The following IKZF1 variants were observed in gnomAD, a reference collection of about 807,000 sequenced individuals.
IKZF1 encodes the protein DNA-binding protein Ikaros.
IKZF1 carries 10 observed loss-of-function variants against 51.7 expected under a neutral mutation model. The ratio of observed to expected loss-of-function variants is 0.19; its 90% CI spans 0.12 to 0.33. The LOEUF is 0.33. Among genes scored for constraint, IKZF1 ranks in the 10% least tolerant of loss-of-function variants. IKZF1 has a pLI of 1.00. For synonymous variants in IKZF1, 280 were observed against 282.3 expected, an observed-to-expected ratio of 0.99 and a Z score of 0.08; for missense variants, 484 against 707.5, an observed-to-expected ratio of 0.68 and a Z score of 3.58.
intron 5 of IKZF1, among the ~76,000 whole-genome samples, chr7:50,384,350 C>T (rs76880433): frequency 0.036 from 5,519 of 152,290 alleles, 413 homozygotes; most frequent in East Asian, 0.19. Context: ...TCCTTCCTGG[C>T]GGTGCACATG....
chr7:50,394,167 G>T, intron 7 of IKZF1: 1 of 232,858 alleles, frequency 4.3e-6, no homozygotes, highest in East Asian at 6.1e-5. Context: ...CAGTGGACGA[G>T]GGTAGCAGAA....
At chr7:50,325,497 G>A (rs528065014) in intron 2 of IKZF1, among the ~76,000 whole-genome samples, 6 of 152,230 alleles carry the variant, frequency 3.9e-5, no homozygotes, top group East Asian at 1.9e-4. Flanking sequence ...TTTATAGGCC[G>A]GGCGCAGTGG....
In IKZF1 at chr7:50,400,915, T is replaced by C. The variant is rs2153520309; in HGVS notation, c.*288T>C. The C allele has an allele frequency of 2.1e-6, 1 of 484,798 alleles. No individual in the cohort carries two copies. The highest frequency in any genetic ancestry group is 3.7e-5 in the East Asian group (1 of 26,710). The allele number at this position is 484,798 out of a possible 1,614,324, so 30.0% of individuals were successfully genotyped here. ...TGAGATTCCCTCACCTGTCGCTTCC[T>C]AGAATCCCCTTCTCCAAACGATTAG... On this transcript the variant is annotated 3_prime_UTR_variant, in exon 8 of 8. Transcript: ENST00000331340. The surrounding 1 kb of genome is among the most constrained non-coding windows in gnomAD (Gnocchi z 5.4).
intron 3 of IKZF1, chr7:50,368,213 G>A (rs1224333626): frequency 1.4e-6 from 1 of 703,042 alleles, no homozygotes; most frequent in Admixed American, 2.0e-5. Context: ...ATCATTTTTG[G>A]GTATTTATAC....
Position 50,387,241 on chromosome 7 carries a change from A to AT in IKZF1, c.590-94dup, listed in dbSNP as rs148213614. 143,121 of 1,322,722 alleles carry AT rather than the reference A, an allele frequency of 0.11. 5,044 individuals carry two copies. The highest frequency in any genetic ancestry group is 0.15 in the Middle Eastern group (707 of 4,822). The allele number at this position is 1,322,722 out of a possible 1,614,324, so 81.9% of individuals were successfully genotyped here. Reference sequence around the variant, plus strand: ...AACAGTTTTAGCTCTCAAGGGTAGAATTTTTTTTTTAACTTTTTTGGTAAT... The same window carrying AT: ...AACAGTTTTAGCTCTCAAGGGTAGAATTTTTTTTTTTAACTTTTTTGGTAAT... On this transcript the variant is annotated intron_variant, in intron 5 of 7. Coordinates refer to ENST00000331340, the MANE Select transcript of IKZF1 (RefSeq NM_006060.6).
At chr7:50,340,831 G>A (rs1212318972) in intron 3 of IKZF1, among the ~76,000 whole-genome samples, 2 of 152,202 alleles carry the variant, frequency 1.3e-5, no homozygotes, top group Admixed American at 6.5e-5. Context: ...TTATTGTTCT[G>A]TAGAGAATGC....
At chr7:50,382,507 T>C (rs1180669518) in intron 4 of IKZF1, 33 bp from the exon 5 acceptor site, 1 of 1,597,496 alleles carries the variant, frequency 6.3e-7, no homozygotes, top group South Asian at 1.1e-5. Context: ...ACGCTGAGTT[T>C]AGTTCTCACC....
intron 3 of IKZF1, among the ~76,000 whole-genome samples, chr7:50,372,107 C>G (rs1808858612): frequency 6.6e-6 from 1 of 152,218 alleles, no homozygotes; most frequent in South Asian, 2.1e-4. Context: ...GCCCTGATTT[C>G]TGTCATCTAT....
intron 5 of IKZF1, among the ~76,000 whole-genome samples, chr7:50,385,472 G>A (rs79698161): frequency 0.062 from 9,420 of 152,274 alleles, 481 homozygotes; most frequent in South Asian, 0.093. Context: ...CAGCAAGAGG[G>A]TGCTGGGGGA....
At chr7:50,369,394 T>C in intron 3 of IKZF1, 1 of 396,822 alleles carries the variant, frequency 2.5e-6, no homozygotes, top group Non-Finnish European at 4.4e-6. Flanking sequence ...TGTGAAGATG[T>C]GTTAATGTTA....
intron 3 of IKZF1, among the ~76,000 whole-genome samples, chr7:50,331,155 T>C (rs1472088756): frequency 2.6e-5 from 4 of 151,988 alleles, no homozygotes; most frequent in Non-Finnish European, 5.9e-5. Context: ...AAATAGAACT[T>C]TCAAAGATTT....
chr7:50,314,980 C>G (rs916749892), intron 1 of IKZF1, among the ~76,000 whole-genome samples: 2 of 152,236 alleles, frequency 1.3e-5, no homozygotes, highest in African/African-American at 4.8e-5. Context: ...CCAAGGTCCC[C>G]CAGGGATGCC....
At chr7:50,323,716 T>A (rs1270502463) in intron 2 of IKZF1, among the ~76,000 whole-genome samples, 1 of 152,260 alleles carries the variant, frequency 6.6e-6, no homozygotes, top group Non-Finnish European at 1.5e-5. Flanking sequence ...TCTCTGTGTG[T>A]TTGCATGTCA....
At position 50,370,959 on chromosome 7, in the gene IKZF1, C is replaced by T. The variant is rs536617924; in HGVS notation, c.161-5574C>T. Among the ~76,000 whole-genome samples the T allele has an allele frequency of 7.2e-5, 11 of 152,190 alleles. No individual in the cohort carries two copies. In the East Asian group the frequency reaches 1.2e-3, roughly 16 times the overall value. ...TCCGAGTAACAGAGGAAGGAGTGAG[C>T]GATTTAGGAACTCACAGAAGGGCAC... On this transcript the variant is annotated intron_variant, in intron 3 of 7. Coordinates refer to ENST00000331340, the MANE Select transcript of IKZF1 (RefSeq NM_006060.6).
chr7:50,337,081 G>T (rs1233971487), intron 3 of IKZF1, among the ~76,000 whole-genome samples: 2 of 152,076 alleles, frequency 1.3e-5, no homozygotes, highest in Non-Finnish European at 2.9e-5. Flanking sequence ...AAGCGGCTCG[G>T]TAGGATTGGG....
In IKZF1 at chr7:50,402,309, G is replaced by A; in HGVS notation, c.*1682G>A. The stretch of plus-strand genomic sequence containing the variant: ...ACCTCAGCATTTAATCCAAACAGGG[G>A]TTCTTAGTCTCAGCACTATGACATT... On this transcript the variant is annotated 3_prime_UTR_variant, in exon 8 of 8. Transcript: ENST00000331340. 1 of 230,646 alleles carries A rather than the reference G, an allele frequency of 4.3e-6. No individual in the cohort carries two copies. The highest frequency in any genetic ancestry group is 6.1e-5 in the East Asian group (1 of 16,344). The allele number at this position is 230,646 out of a possible 1,614,324, so 14.3% of individuals were successfully genotyped here. A position where few individuals can be genotyped will look rare whatever the true frequency, so the allele number is the denominator to read the frequency against.
intron 3 of IKZF1, among the ~76,000 whole-genome samples, chr7:50,358,953 G>A (rs894454379): frequency 4.6e-5 from 7 of 152,122 alleles, no homozygotes; most frequent in Admixed American, 3.9e-4. Flanking sequence ...CCACTTGTGA[G>A]TTTCTTATCA....
At position 50,376,870 on chromosome 7, in the gene IKZF1, T is replaced by G. The variant is rs764875299; in HGVS notation, c.421+77T>G. On this transcript the variant is annotated intron_variant, in intron 4 of 7. Transcript: ENST00000331340. This position sits in a 1 kb window ranked among gnomAD's most constrained non-coding sequence, Gnocchi z 4.5. ...TTTGAAGGAGGAAAGCATCCTGTCT[T>G]CCTTGTGTTCTGAGCATGTTTCTAA... The G allele has an allele frequency of 6.4e-7, 1 of 1,560,728 alleles. No individual in the cohort carries two copies. The highest frequency in any genetic ancestry group is 1.4e-5 in the African/African-American group (1 of 73,394).
rs1035361369 is a variant in IKZF1, at chr7:50,402,722, G to A, written c.*2095G>A. The A allele has an allele frequency of 4.3e-6, 1 of 229,942 alleles. No individual in the cohort carries two copies. The highest frequency in any genetic ancestry group is 8.6e-6 in the Non-Finnish European group (1 of 116,028). 14.2% of individuals were successfully genotyped at this position (229,942 alleles called of 1,614,324 possible). A position where few individuals can be genotyped will look rare whatever the true frequency, so the allele number is the denominator to read the frequency against. Reference sequence around the variant, plus strand: ...ATAAACATTTGAGTTTTGTTGAAAAGATGGAGTTTACAAAGATACCATTCT... The same window carrying A: ...ATAAACATTTGAGTTTTGTTGAAAAAATGGAGTTTACAAAGATACCATTCT... On this transcript the variant is annotated 3_prime_UTR_variant, in exon 8 of 8. Coordinates refer to ENST00000331340, the MANE Select transcript of IKZF1 (RefSeq NM_006060.6).
Sources: allele counts gnomAD v4.1 joint callset (sites outside exome capture counted in the v4.1 genomes callset), GRCh38; gene constraint gnomAD v4.1.1; non-coding constraint Gnocchi (gnomAD v3.1); transcripts MANE v1.5; gene names NCBI Gene and HGNC (gene_info 2026-07-23, HGNC 2026-07-21).